Variants in ARHGEF10 observed in about 807,000 individuals in gnomAD.
The protein encoded by ARHGEF10 is Rho guanine nucleotide exchange factor 10, also known as Rho guanine nucleotide exchange factor (GEF) 10.
ARHGEF10 carries 140 observed loss-of-function variants against 147.4 expected under a neutral mutation model. That is an observed-to-expected ratio of 0.95 (90% CI 0.83 to 1.09). ARHGEF10 has a LOEUF of 1.09. ARHGEF10 is among the 50% of genes least tolerant of loss of function. The pLI, the probability that ARHGEF10 is intolerant of heterozygous loss-of-function variation, is 0.00. For missense variants in ARHGEF10, 2,222 were observed against 1,752.7 expected, an observed-to-expected ratio of 1.27 and a Z score of -4.78; for synonymous variants, 902 against 695.8, an observed-to-expected ratio of 1.30 and a Z score of -4.67.
chr8:1,880,982 T>A (rs545852160), intron 9 of ARHGEF10, among the ~76,000 whole-genome samples: 2 of 152,230 alleles, frequency 1.3e-5, no homozygotes, highest in South Asian at 4.1e-4. Context: ...CCCTGCAGGG[T>A]GTCTGATGGG....
intron 4 of ARHGEF10, among the ~76,000 whole-genome samples, chr8:1,862,371 C>G (rs1417618225): frequency 6.6e-6 from 1 of 152,280 alleles, no homozygotes; most frequent in East Asian, 1.9e-4. Context: ...GTTATTTTTC[C>G]TGCCTACCGA....
chr8:1,934,084 C>T (rs1813371862), intron 26 of ARHGEF10, 142 bp downstream of exon 26: 1 of 1,154,828 alleles, frequency 8.7e-7, no homozygotes, highest in Non-Finnish European at 1.3e-6. Context: ...CCTGTAATGC[C>T]AACACTCTGG....
At chr8:1,890,895 G>A (rs1424435053) in intron 11 of ARHGEF10, among the ~76,000 whole-genome samples, 1 of 152,172 alleles carries the variant, frequency 6.6e-6, no homozygotes, top group African/African-American at 2.4e-5. Context: ...ACTGTTCATT[G>A]TTTTATGGTT....
chr8:1,918,266 G>A (rs920998198), intron 18 of ARHGEF10, among the ~76,000 whole-genome samples: 5 of 152,166 alleles, frequency 3.3e-5, no homozygotes, highest in African/African-American at 1.2e-4. Flanking sequence ...GGAAGCCTCA[G>A]GTTGCTCTGT....
intron 27 of ARHGEF10, among the ~76,000 whole-genome samples, chr8:1,951,216 C>T (rs111991668): frequency 0.038 from 5,740 of 152,352 alleles, 136 homozygotes; most frequent in African/African-American, 0.059. Flanking sequence ...GGCTGCGCCC[C>T]GGGCTGCTCC....
At chr8:1,896,894 C>T (rs931457874) in intron 14 of ARHGEF10, among the ~76,000 whole-genome samples, 6 of 152,220 alleles carry the variant, frequency 3.9e-5, no homozygotes, top group African/African-American at 1.4e-4. Flanking sequence ...ATGCTGAGGA[C>T]AGCACTGATG....
chr8:1,935,938 T>C (rs1176866784), intron 26 of ARHGEF10, among the ~76,000 whole-genome samples: 1 of 152,200 alleles, frequency 6.6e-6, no homozygotes, highest in Admixed American at 6.5e-5. Flanking sequence ...AGGGAGGCTG[T>C]GGTGCCTGAT....
chr8:1,923,220 C>T (rs377198250), intron 19 of ARHGEF10, 141 bp downstream of exon 19: 53 of 864,958 alleles, frequency 6.1e-5, no homozygotes, highest in African/African-American at 2.9e-4. Flanking sequence ...TTTTCTCTTA[C>T]GTTAGATAAG....
chr8:1,837,219 C>T (rs988393437), intron 1 of ARHGEF10, among the ~76,000 whole-genome samples: 2 of 152,248 alleles, frequency 1.3e-5, no homozygotes, highest in African/African-American at 2.4e-5. Context: ...ACAGTTGCTT[C>T]CCAGAGCCAG....
At chr8:1,841,344 G>A (rs1003730275) in intron 1 of ARHGEF10, among the ~76,000 whole-genome samples, 3 of 152,342 alleles carry the variant, frequency 2.0e-5, no homozygotes, top group Admixed American at 6.5e-5. Flanking sequence ...TGCCCTGAAC[G>A]CACACTGATG....
chr8:1,912,168 C>T (rs552882280), intron 18 of ARHGEF10, among the ~76,000 whole-genome samples: 19 of 151,924 alleles, frequency 1.3e-4, no homozygotes, highest in Admixed American at 7.9e-4. Context: ...CCTGCAAAAG[C>T]GCCGTGTCGA....
chr8:1,888,402 G>A (rs1232766931), intron 11 of ARHGEF10, among the ~76,000 whole-genome samples: 1 of 145,854 alleles, frequency 6.9e-6, no homozygotes, highest in Non-Finnish European at 1.5e-5. Flanking sequence ...GGAGACAGTG[G>A]GGTGAGAGTT....
In ARHGEF10 at chr8:1,902,136, C is replaced by G. The variant is rs140792301; in HGVS notation, c.1651-1145C>G. 3.5e-3 allele frequency among the ~76,000 whole-genome samples: 537 copies of G among 152,184 alleles called. 5 individuals are homozygous for G. The highest frequency in any genetic ancestry group is 0.019 in the Admixed American group (295 of 15,276). ...CGTGCATTAGGTATTTGTCTTAATGCTCTCCCTCCCCTCACCCCCCGCCCC... is the reference window on the plus strand; with the variant it reads ...CGTGCATTAGGTATTTGTCTTAATGGTCTCCCTCCCCTCACCCCCCGCCCC... On this transcript the variant is annotated intron_variant, in intron 15 of 28. Coordinates refer to ENST00000349830, the MANE Select transcript of ARHGEF10 (RefSeq NM_014629.4).
intron 11 of ARHGEF10, among the ~76,000 whole-genome samples, chr8:1,890,960 G>GT (rs1809480511): frequency 6.6e-6 from 1 of 152,086 alleles, no homozygotes; most frequent in Non-Finnish European, 1.5e-5. Context: ...ATGAAATTCT[G>GT]TTTTTTGCTC....
rs905257593 is a variant in ARHGEF10 at position 1,948,293 on chromosome 8, C to G, written c.3397+2638C>G. Reference sequence around the variant, plus strand: ...CTCCGGGGGCCCCTGAATCGTGGGTCTTTACTTATTCCTACACGACATAGT... The same window carrying G: ...CTCCGGGGGCCCCTGAATCGTGGGTGTTTACTTATTCCTACACGACATAGT... On this transcript the variant is annotated intron_variant, in intron 27 of 28. Transcript: ENST00000349830. The surrounding 1 kb of genome is among the most constrained non-coding windows in gnomAD (Gnocchi z 4.9). Among the ~76,000 whole-genome samples, 2 of 152,032 alleles carry G rather than the reference C, an allele frequency of 1.3e-5. No individual in the cohort carries two copies. The highest frequency in any genetic ancestry group is 6.5e-5 in the Admixed American group (1 of 15,268).
intron 15 of ARHGEF10, among the ~76,000 whole-genome samples, chr8:1,899,419 A>G (rs923087207): frequency 6.6e-6 from 1 of 152,238 alleles, no homozygotes; most frequent in Non-Finnish European, 1.5e-5. Flanking sequence ...ATTAGAGCCG[A>G]TTAAGATGAA....
At position 1,859,987 on chromosome 8, in the gene ARHGEF10, T is replaced by C; in HGVS notation, c.284T>C (p.Ile95Thr). 1.9e-6 allele frequency: 3 copies of C among 1,614,108 alleles called. No homozygotes were observed. The highest frequency in any genetic ancestry group is 2.5e-6 in the Non-Finnish European group (3 of 1,179,998). Residue 95 changes from isoleucine to threonine, a missense_variant, in exon 4 of 29, where the codon ATC (isoleucine) becomes ACC (threonine). Ile to Thr is a moderately conservative substitution (Grantham distance 89). Coordinates refer to ENST00000349830, the MANE Select transcript of ARHGEF10 (RefSeq NM_014629.4). ...ATGAAAGTCAACCCATATTCTGTCATCGACATCACGCCATTCCAGGAGGAC... is the reference window on the plus strand; with the variant it reads ...ATGAAAGTCAACCCATATTCTGTCACCGACATCACGCCATTCCAGGAGGAC... ...LPMKVNPYSV[I>T]DITPFQEDQP...
rs561682490 is a variant in ARHGEF10 at position 1,908,419 on chromosome 8, A to G, written c.1968-876A>G. On this transcript the variant is annotated intron_variant, in intron 17 of 28. Coordinates refer to ENST00000349830, the MANE Select transcript of ARHGEF10 (RefSeq NM_014629.4). ...CTAATTTTTTAAATATTTTTAGTAG[A>G]GATGGGGTGTCACTGTGTTAGCCAG... is the stretch of plus-strand genomic sequence containing the variant. Among the ~76,000 whole-genome samples the G allele has an allele frequency of 2.0e-5, 3 of 151,930 alleles. No homozygotes were observed. The East Asian group carries it at 5.8e-4, about 29-fold the overall frequency.
chr8:1,893,545 A>G (rs775816771), intron 11 of ARHGEF10, 24 bp from the exon 12 acceptor site: 3 of 1,559,368 alleles, frequency 1.9e-6, no homozygotes, highest in African/African-American at 1.4e-5. Context: ...GTTTTCTATC[A>G]TTGTACTTCC....
Sources: gnomAD v4.1 joint callset for allele counts (sites outside exome capture counted in the v4.1 genomes callset) on GRCh38, gnomAD v4.1.1 for gene constraint, Gnocchi (gnomAD v3.1) non-coding constraint, MANE v1.5 for transcripts, NCBI Gene and HGNC (gene_info 2026-07-23, HGNC 2026-07-21) for gene names.